Variants in ACSS3 observed in about 807,000 individuals in gnomAD.
ACSS3 encodes acyl-CoA synthetase short chain family member 3.
ACSS3 carries 64 observed loss-of-function variants against 84.2 expected under a neutral mutation model. The ratio of observed to expected loss-of-function variants is 0.76; its 90% CI spans 0.62 to 0.94. The LOEUF is 0.94. ACSS3 is among the 40% of genes least tolerant of loss of function. ACSS3 has a pLI of 0.00. For synonymous variants in ACSS3, 317 were observed against 310.1 expected, an observed-to-expected ratio of 1.02 and a Z score of -0.23; for missense variants, 815 against 867.6, an observed-to-expected ratio of 0.94 and a Z score of 0.76.
At chr12:81,237,930 T>C (rs555197162) in intron 13 of ACSS3, among the ~76,000 whole-genome samples, 2 of 151,852 alleles carry the variant, frequency 1.3e-5, no homozygotes, top group East Asian at 3.9e-4. Context: ...CTTGCCTTGT[T>C]CCAGATCTTA....
chr12:81,239,554 G>A (rs2033727163), intron 13 of ACSS3, among the ~76,000 whole-genome samples: 1 of 151,960 alleles, frequency 6.6e-6, no homozygotes, highest in South Asian at 2.1e-4. Context: ...GAAGGAGAAT[G>A]AAGAGCAAAG....
chr12:81,227,411 A>G (rs926741394), intron 11 of ACSS3, among the ~76,000 whole-genome samples: 1 of 151,648 alleles, frequency 6.6e-6, no homozygotes, highest in South Asian at 2.1e-4. Context: ...ACACACACAC[A>G]CACACACACA....
intron 12 of ACSS3, 24 bp from the exon 13 acceptor site, chr12:81,233,325 A>G: frequency 6.2e-7 from 1 of 1,606,854 alleles, no homozygotes; most frequent in Non-Finnish European, 8.5e-7. Flanking sequence ...ATGCTAATCA[A>G]ATGTTATTTT....
chr12:81,109,665 C>G lies in ACSS3; in HGVS notation c.417C>G (p.Asn139Lys), dbSNP rs1360244288. 1.2e-6 allele frequency: 2 copies of G among 1,609,702 alleles called. No homozygotes were observed. The change falls in exon 2 of 16, where the codon AAC (asparagine) becomes AAG (lysine). Residue 139 changes from asparagine to lysine, a missense_variant. Coordinates refer to ENST00000548058, the MANE Select transcript of ACSS3 (RefSeq NM_024560.4). ...TCATCTATGACAGTCCTGTTACAAA[C>G]ACTAAAGCAACCTTTACCTATAAAG... ...IAIIYDSPVT[N>K]TKATFTYKEV... is the part of the protein sequence containing the mutation.
At chr12:81,246,001 C>T (rs1298228180) in intron 13 of ACSS3, among the ~76,000 whole-genome samples, 1 of 152,116 alleles carries the variant, frequency 6.6e-6, no homozygotes, top group East Asian at 1.9e-4. Context: ...AGGAACAGTG[C>T]CTCTGGGGAG....
intron 1 of ACSS3, among the ~76,000 whole-genome samples, chr12:81,092,685 A>G (rs945519429): frequency 6.6e-6 from 1 of 152,182 alleles, no homozygotes; most frequent in East Asian, 1.9e-4. Flanking sequence ...ATAAAGGGAG[A>G]TAATGGGTTT....
At position 81,256,702 on chromosome 12, in the gene ACSS3, GA is replaced by G. The variant is rs1482429726; in HGVS notation, c.*1784del. 2 of 152,092 alleles carry G rather than the reference GA, an allele frequency of 1.3e-5. No individual in the cohort carries two copies. Among genetic ancestry groups the G allele is most frequent in the Admixed American group, 1.3e-4 (2 of 15,272 alleles). 9.4% of individuals were successfully genotyped at this position (152,092 alleles called of 1,614,324 possible). A position where few individuals can be genotyped will look rare whatever the true frequency, so the allele number is the denominator to read the frequency against. On this transcript the variant is annotated 3_prime_UTR_variant, in exon 16 of 16. Transcript: ENST00000548058. ...CCTACAACTTATATAAAAAAATTCT[GA>G]AAATGTTGACTTTTTTTGGACTGAA... is the stretch of plus-strand genomic sequence containing the variant.
chr12:81,186,049 A>T (rs1222363520), intron 8 of ACSS3, among the ~76,000 whole-genome samples: 1 of 151,766 alleles, frequency 6.6e-6, no homozygotes, highest in African/African-American at 2.4e-5. Flanking sequence ...CCCCAGAAAT[A>T]GATCCAAACG....
At chr12:81,200,364 T>C (rs2032044307) in intron 9 of ACSS3, among the ~76,000 whole-genome samples, 1 of 152,220 alleles carries the variant, frequency 6.6e-6, no homozygotes. Flanking sequence ...AACCTTTTTA[T>C]ATACATATTT....
At chr12:81,081,401 A>G (rs1880966310) in intron 1 of ACSS3, among the ~76,000 whole-genome samples, 1 of 152,156 alleles carries the variant, frequency 6.6e-6, no homozygotes, top group African/African-American at 2.4e-5. Context: ...TTCTCCTCAC[A>G]GTTTGGTGGT....
chr12:81,199,976 T>C (rs2032027299), intron 9 of ACSS3, among the ~76,000 whole-genome samples: 1 of 152,234 alleles, frequency 6.6e-6, no homozygotes, highest in Admixed American at 6.5e-5. Flanking sequence ...TGCCTAGCAT[T>C]AAAGGCAGAG....
chr12:81,250,740 C>T (rs2034126198), intron 13 of ACSS3, among the ~76,000 whole-genome samples: 1 of 152,036 alleles, frequency 6.6e-6, no homozygotes, highest in African/African-American at 2.4e-5. Context: ...CACCAATAAA[C>T]ACTAATAATT....
intron 9 of ACSS3, among the ~76,000 whole-genome samples, chr12:81,214,328 C>T (rs1366460880): frequency 6.6e-6 from 1 of 152,010 alleles, no homozygotes; most frequent in Non-Finnish European, 1.5e-5. Context: ...GCCCAGCCAG[C>T]AATAGTTCTT....
intron 7 of ACSS3, among the ~76,000 whole-genome samples, chr12:81,167,872 A>G (rs1403470862): frequency 6.6e-6 from 1 of 152,216 alleles, no homozygotes; most frequent in East Asian, 1.9e-4. Context: ...AGGCCTGGAC[A>G]CAGAGTTGTA....
intron 3 of ACSS3, among the ~76,000 whole-genome samples, chr12:81,138,888 A>C (rs546970859): frequency 6.6e-6 from 1 of 152,316 alleles, no homozygotes; most frequent in East Asian, 1.9e-4. Context: ...TATACATTTC[A>C]TACATATGAG....
At chr12:81,201,706 T>TA (rs2032117384) in intron 9 of ACSS3, among the ~76,000 whole-genome samples, 1 of 152,226 alleles carries the variant, frequency 6.6e-6, no homozygotes, top group Non-Finnish European at 1.5e-5. Flanking sequence ...ATTTTACTAA[T>TA]AAAATGAATG....
intron 3 of ACSS3, among the ~76,000 whole-genome samples, chr12:81,138,848 C>T (rs2525839): frequency 0.47 from 71,157 of 151,800 alleles, 16,945 homozygotes; most frequent in East Asian, 0.62. Flanking sequence ...GGCAAATCCA[C>T]CTGGCTTAAT....
In ACSS3 at chr12:81,212,925, A is replaced by G. The variant is rs574527366; in HGVS notation, c.1355-3976A>G. Among the ~76,000 whole-genome samples, 125 of 152,288 alleles carry G rather than the reference A, an allele frequency of 8.2e-4. No homozygotes were observed. In the Middle Eastern group the frequency reaches 0.01, roughly 13 times the overall value. ...AAGGTGACATTCTTCATACCCTTCA[A>G]TTCCCTGTTCATCTTCTTCCTAGCT... On this transcript the variant is annotated intron_variant, in intron 9 of 15. Coordinates refer to ENST00000548058, the MANE Select transcript of ACSS3 (RefSeq NM_024560.4).
chr12:81,193,648 A>T (rs2031690700), intron 8 of ACSS3, among the ~76,000 whole-genome samples: 1 of 151,954 alleles, frequency 6.6e-6, no homozygotes, highest in East Asian at 1.9e-4. Flanking sequence ...TGTTACCATC[A>T]TCAGAAATTA....
Sources: allele counts gnomAD v4.1 joint callset (sites outside exome capture counted in the v4.1 genomes callset), GRCh38; gene constraint gnomAD v4.1.1; transcripts MANE v1.5; gene names NCBI Gene and HGNC (gene_info 2026-07-23, HGNC 2026-07-21).